Variants in SEMA5A observed in about 807,000 individuals in gnomAD.
SEMA5A encodes semaphorin 5A, also known as semaphorin-5A.
In SEMA5A, 55 loss-of-function variants were observed where a neutral mutation model predicts 135.5. The observed-to-expected ratio is 0.41, with a 90% CI of 0.33 to 0.51. The LOEUF (loss-of-function observed/expected upper bound fraction) is 0.51. Among genes scored for constraint, SEMA5A ranks in the 20% least tolerant of loss-of-function variants. The pLI is 0.37. For missense variants in SEMA5A, 1,290 were observed against 1,419.9 expected (o/e 0.91, Z 1.47); for synonymous variants, 580 against 546.5 (o/e 1.06, Z -0.85).
chr5:9,305,070 A>T (rs1474227174), intron 5 of SEMA5A, among the ~76,000 whole-genome samples: 1 of 152,118 alleles, frequency 6.6e-6, no homozygotes, highest in Non-Finnish European at 1.5e-5. Flanking sequence ...CCCGCCGCAC[A>T]ACAGTTCCAC....
intron 12 of SEMA5A, 105 bp downstream of exon 12, chr5:9,154,383 G>T: frequency 1.1e-6 from 1 of 905,696 alleles, no homozygotes; most frequent in Non-Finnish European, 1.7e-6. Flanking sequence ...CATGAAGGGT[G>T]GCTCTGAGGC....
At chr5:9,259,629 C>A (rs1749292863) in intron 5 of SEMA5A, among the ~76,000 whole-genome samples, 1 of 151,962 alleles carries the variant, frequency 6.6e-6, no homozygotes, top group African/African-American at 2.4e-5. Flanking sequence ...TGTCTCCCTG[C>A]TCCTGAATGA....
intron 1 of SEMA5A, among the ~76,000 whole-genome samples, chr5:9,505,489 G>T (rs114059038): frequency 6.6e-6 from 1 of 152,334 alleles, no homozygotes; most frequent in Admixed American, 6.5e-5. Context: ...CTGCTAGATT[G>T]TAGCCTCATA....
At chr5:9,058,433 A>G (rs150416789) in intron 18 of SEMA5A, among the ~76,000 whole-genome samples, 223 of 152,344 alleles carry the variant, frequency 1.5e-3, no homozygotes, top group Non-Finnish European at 2.2e-3. Flanking sequence ...CACCCAAGTT[A>G]GCTCAAGAAA....
intron 5 of SEMA5A, among the ~76,000 whole-genome samples, chr5:9,276,605 AAC>A (rs1438499137): frequency 6.6e-6 from 1 of 152,200 alleles, no homozygotes; most frequent in Non-Finnish European, 1.5e-5. Context: ...CTGGTACCAA[AAC>A]ACATATATAT....
chr5:9,445,728 C>T (rs1182957343), intron 1 of SEMA5A, among the ~76,000 whole-genome samples: 1 of 152,110 alleles, frequency 6.6e-6, no homozygotes, highest in Non-Finnish European at 1.5e-5. Context: ...CCCACAGGGC[C>T]AAAGTAAGAA....
intron 16 of SEMA5A, among the ~76,000 whole-genome samples, chr5:9,094,574 T>G (rs905258950): frequency 1.3e-5 from 2 of 152,244 alleles, no homozygotes; most frequent in Non-Finnish European, 2.9e-5. Context: ...ATTTTGTATC[T>G]CTCTCTTTTG....
At chr5:9,305,824 G>A (rs1427433316) in intron 5 of SEMA5A, among the ~76,000 whole-genome samples, 1 of 151,576 alleles carries the variant, frequency 6.6e-6, no homozygotes, top group Non-Finnish European at 1.5e-5. Flanking sequence ...AAGTTCTCAG[G>A]GGAAATCTTG....
chr5:9,125,331 T>C (rs914601752), intron 13 of SEMA5A, among the ~76,000 whole-genome samples: 9 of 152,216 alleles, frequency 5.9e-5, no homozygotes, highest in Non-Finnish European at 1.3e-4. Flanking sequence ...AATTCTTTTC[T>C]TTTTGTAAAT....
rs1277556743 is a variant in SEMA5A, at chr5:9,037,553, AT to A, written c.*5343del. ...TCTGCTAAAACAATGTGTACAATGC[AT>A]CTTTAATATAAGTCCATAGGAAAGG... On this transcript the variant is annotated 3_prime_UTR_variant, in exon 23 of 23. Transcript: ENST00000382496. 6.6e-6 allele frequency: 1 copy of A among 152,236 alleles called. No homozygotes were observed. The highest frequency in any genetic ancestry group is 2.4e-5 in the African/African-American group (1 of 41,456). The allele number at this position is 152,236 out of a possible 1,614,324, so 9.4% of individuals were successfully genotyped here.
intron 3 of SEMA5A, among the ~76,000 whole-genome samples, chr5:9,358,832 A>G (rs1431157172): frequency 6.6e-6 from 1 of 152,204 alleles, no homozygotes; most frequent in Non-Finnish European, 1.5e-5. Flanking sequence ...CCTGTCCTCT[A>G]TGCTATGACA....
At chr5:9,466,227 G>A (rs1044628516) in intron 1 of SEMA5A, among the ~76,000 whole-genome samples, 2 of 151,438 alleles carry the variant, frequency 1.3e-5, no homozygotes, top group African/African-American at 4.9e-5. Context: ...TGTGGGGTGA[G>A]GGGAAGGGGG....
chr5:9,193,841 G>A (rs1032033092), intron 10 of SEMA5A, among the ~76,000 whole-genome samples: 1 of 152,162 alleles, frequency 6.6e-6, no homozygotes, highest in Non-Finnish European at 1.5e-5. Flanking sequence ...AGGTTCCAGT[G>A]AGCTGAGATC....
rs565928061 is a variant in SEMA5A at position 9,362,046 on chromosome 5, C to T, written c.124+17777G>A. On this transcript the variant is annotated intron_variant, in intron 3 of 22. Transcript: ENST00000382496. ...GAAAGCAGGCTTGAGGCCCCAGTTT[C>T]GTCTTCATGAGACAATGTCCACCCA... Among the ~76,000 whole-genome samples the T allele has an allele frequency of 4.3e-3, 653 of 152,264 alleles. 1 individual carries two copies. Among genetic ancestry groups the T allele is most frequent in the Middle Eastern group, 0.014 (4 of 294 alleles).
intron 11 of SEMA5A, among the ~76,000 whole-genome samples, chr5:9,177,323 T>C (rs562734470): frequency 6.6e-6 from 1 of 152,318 alleles, no homozygotes; most frequent in African/African-American, 2.4e-5. Flanking sequence ...GAGGACAAGA[T>C]GAGTGCTTTA....
intron 5 of SEMA5A, among the ~76,000 whole-genome samples, chr5:9,295,181 C>A (rs1279588251): frequency 6.6e-6 from 1 of 152,162 alleles, no homozygotes; most frequent in Non-Finnish European, 1.5e-5. Flanking sequence ...TCCCGCTACC[C>A]CAAATTCTTA....
chr5:9,504,224 GAAAAAA>G (rs756036470), intron 1 of SEMA5A, among the ~76,000 whole-genome samples: 1 of 104,410 alleles, frequency 9.6e-6, no homozygotes, highest in Admixed American at 1.2e-4. Flanking sequence ...AAAAAAAAAA[GAAAAAA>G]AAAAAAAAAC....
intron 6 of SEMA5A, 120 bp downstream of exon 6, chr5:9,237,708 C>A: frequency 2.6e-6 from 2 of 783,966 alleles, no homozygotes; most frequent in Non-Finnish European, 4.0e-6. Flanking sequence ...TATTTTGAAT[C>A]TTGCTTTTTT....
At chr5:9,479,273 C>T (rs1034751959) in intron 1 of SEMA5A, among the ~76,000 whole-genome samples, 3 of 151,970 alleles carry the variant, frequency 2.0e-5, no homozygotes, top group Non-Finnish European at 4.4e-5. Flanking sequence ...ATTAGTCTAG[C>T]TACTCAGGAG....
Sources: allele counts gnomAD v4.1 joint callset (sites outside exome capture counted in the v4.1 genomes callset), GRCh38; gene constraint gnomAD v4.1.1; transcripts MANE v1.5; gene names NCBI Gene and HGNC (gene_info 2026-07-23, HGNC 2026-07-21).